Variants in LINGO2 observed in about 807,000 individuals in gnomAD.
LINGO2 encodes the protein leucine-rich repeat and immunoglobulin-like domain-containing nogo receptor-interacting protein 2.
LINGO2 carries 14 observed loss-of-function variants against 30.6 expected under a neutral mutation model. That is an observed-to-expected ratio of 0.46 (90% CI 0.30 to 0.72). LINGO2 has a LOEUF of 0.72. Among genes scored for constraint, LINGO2 ranks in the 30% least tolerant of loss-of-function variants. The pLI, the probability that LINGO2 is intolerant of heterozygous loss-of-function variation, is 0.07. For synonymous variants in LINGO2, 317 were observed against 288.5 expected (o/e 1.10, Z -1.00); for missense variants, 729 against 751.7 (o/e 0.97, Z 0.35).
the LINGO2 span, among the ~76,000 whole-genome samples, chr9:29,005,007 T>C: frequency 2.6e-5 from 4 of 151,978 alleles, no homozygotes; most frequent in African/African-American, 7.2e-5. Flanking sequence ...GTATCTGCCA[T>C]GTGGTAAGTG....
chr9:28,442,989 A>T (rs1298738594), intron 2 of LINGO2, among the ~76,000 whole-genome samples: 3 of 152,100 alleles, frequency 2.0e-5, no homozygotes, highest in Non-Finnish European at 4.4e-5. Flanking sequence ...TTATCCCACA[A>T]ACTGAGGACT....
intron 1 of LINGO2, among the ~76,000 whole-genome samples, chr9:28,507,189 T>G (rs755388665): frequency 6.6e-6 from 1 of 150,720 alleles, no homozygotes; most frequent in Non-Finnish European, 1.5e-5. Flanking sequence ...AAATCAGAAA[T>G]AGACCTTACT....
intron 3 of LINGO2, among the ~76,000 whole-genome samples, chr9:28,331,083 A>G (rs1825402130): frequency 6.6e-6 from 1 of 151,982 alleles, no homozygotes; most frequent in South Asian, 2.1e-4. Context: ...AAGTAATCTA[A>G]TAATTTCATA....
chr9:28,920,685 A>C, the LINGO2 span, among the ~76,000 whole-genome samples: 1 of 151,790 alleles, frequency 6.6e-6, no homozygotes, highest in Non-Finnish European at 1.5e-5. Flanking sequence ...TCCTTGTGAA[A>C]TCACAAATGT....
chr9:28,418,614 T>A (rs1823063396), intron 2 of LINGO2, among the ~76,000 whole-genome samples: 2 of 152,050 alleles, frequency 1.3e-5, no homozygotes, highest in Non-Finnish European at 2.9e-5. Context: ...AGTTGCCTTA[T>A]TTTCTCATCT....
chr9:28,195,235 G>T (rs1338537587), intron 4 of LINGO2, among the ~76,000 whole-genome samples: 1 of 151,708 alleles, frequency 6.6e-6, no homozygotes, highest in African/African-American at 2.4e-5. Flanking sequence ...ACAGGAAAAG[G>T]CATAAAATGT....
At chr9:28,948,281 G>A in the LINGO2 span, among the ~76,000 whole-genome samples, 14 of 152,114 alleles carry the variant, frequency 9.2e-5, no homozygotes, top group African/African-American at 3.1e-4. Context: ...TTTTTCAGAT[G>A]CTTGTGGATG....
chr9:28,571,417 C>T (rs991203782), intron 1 of LINGO2, among the ~76,000 whole-genome samples: 1 of 152,020 alleles, frequency 6.6e-6, no homozygotes, highest in Non-Finnish European at 1.5e-5. Context: ...CAGAGATTTG[C>T]TAAGATGAAA....
At chr9:28,466,726 A>C (rs2135148221) in intron 2 of LINGO2, among the ~76,000 whole-genome samples, 1 of 152,086 alleles carries the variant, frequency 6.6e-6, no homozygotes, top group South Asian at 2.1e-4. Context: ...ATATATACCT[A>C]CTCTGTACCC....
chr9:28,885,187 A>C, the LINGO2 span, among the ~76,000 whole-genome samples: 1 of 147,908 alleles, frequency 6.8e-6, no homozygotes, highest in African/African-American at 2.5e-5. Flanking sequence ...GGACACAGGG[A>C]GACCCTGCAT....
chr9:29,163,312 C>T, the LINGO2 span, among the ~76,000 whole-genome samples: 1 of 152,100 alleles, frequency 6.6e-6, no homozygotes, highest in Non-Finnish European at 1.5e-5. Flanking sequence ...TTCTAATTCT[C>T]CCGTTTACTC....
chr9:28,271,700 T>C (rs1008197776), intron 4 of LINGO2, among the ~76,000 whole-genome samples: 1 of 152,090 alleles, frequency 6.6e-6, no homozygotes, highest in African/African-American at 2.4e-5. Flanking sequence ...TTCTGAATGG[T>C]GAAGAAGGAA....
chr9:29,091,710 C>T, the LINGO2 span, among the ~76,000 whole-genome samples: 1 of 151,996 alleles, frequency 6.6e-6, no homozygotes, highest in Non-Finnish European at 1.5e-5. Context: ...CCCCAAATCA[C>T]AGGAGAGTGT....
intron 3 of LINGO2, among the ~76,000 whole-genome samples, chr9:28,354,359 T>C (rs1820068970): frequency 1.3e-5 from 2 of 152,180 alleles, no homozygotes; most frequent in South Asian, 4.1e-4. Context: ...GCTTCAGAAA[T>C]ATAAAGCAAA....
At chr9:28,892,874 G>GA in the LINGO2 span, among the ~76,000 whole-genome samples, 3 of 151,732 alleles carry the variant, frequency 2.0e-5, no homozygotes, top group Middle Eastern at 6.9e-3. Context: ...TATTTTTTTA[G>GA]AAAAAAGATT....
chr9:28,214,131 G>A (rs905750015), intron 4 of LINGO2, among the ~76,000 whole-genome samples: 1 of 151,540 alleles, frequency 6.6e-6, no homozygotes, highest in Non-Finnish European at 1.5e-5. Context: ...GAAAGTAAGA[G>A]CTATCGAAAG....
At chr9:28,523,009 T>C (rs1015666454) in intron 1 of LINGO2, among the ~76,000 whole-genome samples, 4 of 151,226 alleles carry the variant, frequency 2.6e-5, no homozygotes, top group Middle Eastern at 3.4e-3. Flanking sequence ...AAAAAATGTA[T>C]AAAAAGCAGT....
intron 1 of LINGO2, among the ~76,000 whole-genome samples, chr9:28,631,039 T>G (rs967711786): frequency 1.3e-5 from 2 of 151,948 alleles, no homozygotes; most frequent in Non-Finnish European, 2.9e-5. Context: ...ATATTATTTT[T>G]GCAACAGTAT....
intron 1 of LINGO2, among the ~76,000 whole-genome samples, chr9:28,497,411 A>G (rs189400181): frequency 1.3e-5 from 2 of 151,908 alleles, no homozygotes; most frequent in African/African-American, 4.8e-5. Context: ...CATTCATTTG[A>G]TCTTGAATCA....
Sources: gnomAD v4.1 joint callset for allele counts (sites outside exome capture counted in the v4.1 genomes callset) on GRCh38, gnomAD v4.1.1 for gene constraint, MANE v1.5 for transcripts, NCBI Gene and HGNC (gene_info 2026-07-23, HGNC 2026-07-21) for gene names.